EXPH5: variants seen among roughly 807,000 people sequenced by gnomAD.
The protein encoded by EXPH5 is exophilin 5.
A neutral mutation model predicts 41.1 loss-of-function variants in EXPH5; 42 were observed. The ratio of observed to expected loss-of-function variants is 1.02; its 90% CI spans 0.80 to 1.32. EXPH5 has a LOEUF of 1.32. Ranked by LOEUF, EXPH5 falls within the 40% of genes most tolerant of loss-of-function variation. The pLI is 0.00. For missense variants in EXPH5, 2,298 were observed against 2,314.5 expected, an observed-to-expected ratio of 0.99 and a Z score of 0.15; for synonymous variants, 798 against 833.5, an observed-to-expected ratio of 0.96 and a Z score of 0.73.
intron 1 of EXPH5, among the ~76,000 whole-genome samples, chr11:108,562,109 T>C (rs4384355): frequency 0.059 from 9,017 of 152,232 alleles, 875 homozygotes; most frequent in African/African-American, 0.2. Flanking sequence ...AACTGCTCTA[T>C]GTTCCTTGTC....
chr11:108,568,585 C>T (rs1400517854), intron 1 of EXPH5, among the ~76,000 whole-genome samples: 3 of 152,164 alleles, frequency 2.0e-5, no homozygotes, highest in Non-Finnish European at 4.4e-5. Context: ...AACAAGAGAT[C>T]TGCCTTTAAA....
chr11:108,558,781 T>A (rs2094000164), intron 1 of EXPH5, among the ~76,000 whole-genome samples: 1 of 152,204 alleles, frequency 6.6e-6, no homozygotes, highest in South Asian at 2.1e-4. Context: ...TAAACATATA[T>A]TGTTTCTGGA....
upstream of EXPH5, among the ~76,000 whole-genome samples, chr11:108,597,708 G>A (rs887620309): frequency 6.6e-6 from 1 of 152,086 alleles, no homozygotes; most frequent in African/African-American, 2.4e-5. Context: ...GTGTAACATT[G>A]TTCTGGTAGT....
chr11:108,591,552 T>C (rs963115088), intron 1 of EXPH5, among the ~76,000 whole-genome samples: 2 of 152,188 alleles, frequency 1.3e-5, no homozygotes, highest in African/African-American at 2.4e-5. Context: ...ATTTTTCAAA[T>C]TGTTTGGGCA....
intron 1 of EXPH5, among the ~76,000 whole-genome samples, chr11:108,583,371 CA>C (rs1483749862): frequency 5.3e-4 from 70 of 132,494 alleles, no homozygotes; most frequent in African/African-American, 9.2e-4. Flanking sequence ...GATTCTGTCT[CA>C]AAAAAAAAAA....
intron 3 of EXPH5, among the ~76,000 whole-genome samples, chr11:108,528,843 C>G (rs187930417): frequency 6.6e-6 from 1 of 151,806 alleles, no homozygotes; most frequent in Non-Finnish European, 1.5e-5. Context: ...GCTGGGATTA[C>G]AGGCGCCTGC....
At chr11:108,539,729 C>A (rs2093901875) in intron 2 of EXPH5, among the ~76,000 whole-genome samples, 1 of 151,978 alleles carries the variant, frequency 6.6e-6, no homozygotes, top group Admixed American at 6.6e-5. Flanking sequence ...CATCCTAAAC[C>A]CGAAAAACTT....
chr11:108,589,370 C>G (rs56214041), intron 1 of EXPH5, among the ~76,000 whole-genome samples: 6,060 of 152,234 alleles, frequency 0.04, 125 homozygotes, highest in Middle Eastern at 0.051. Flanking sequence ...TGGCTTTTAA[C>G]CTCTGCCGGA....
Position 108,512,927 on chromosome 11 carries a change from T to A in EXPH5, c.2580A>T (p.Gln860His). The change falls in exon 6 of 6, where the codon CAA (glutamine) becomes CAT (histidine). Residue 860 changes from glutamine to histidine, a missense_variant. Gln to His is a conservative substitution (Grantham distance 24). Transcript: ENST00000265843. Reference protein sequence around the residue: ...SSALTDTQNAQYSKCKLTPGH... With the variant: ...SSALTDTQNAHYSKCKLTPGH... ...CAGGAGTTAACTTGCATTTTGAGTA[T>A]TGTGCATTTTGAGTATCAGTCAGTG... is the stretch of plus-strand genomic sequence containing the variant. 1.9e-6 allele frequency: 3 copies of A among 1,613,250 alleles called. No homozygotes were observed. Among genetic ancestry groups the A allele is most frequent in the Non-Finnish European group, 1.7e-6 (2 of 1,179,636 alleles).
intron 1 of EXPH5, among the ~76,000 whole-genome samples, chr11:108,545,010 CATT>C (rs2093931120): frequency 1.3e-5 from 2 of 150,762 alleles, no homozygotes; most frequent in Non-Finnish European, 3.0e-5. Context: ...GTCACTTTTC[CATT>C]ATTTTTTTTT....
In EXPH5 at chr11:108,512,174, T is replaced by C; in HGVS notation, c.3333A>G (p.Arg1111=). The change falls in exon 6 of 6, where the codon AGA becomes AGG. Residue 1111 remains arginine, a synonymous_variant. Coordinates refer to ENST00000265843, the MANE Select transcript of EXPH5 (RefSeq NM_015065.3). ...NVKSSGSTSV[R]KGPLPFLINR... is the part of the protein sequence containing the mutation. The stretch of plus-strand genomic sequence containing the variant: ...TGATGAGGAATGGAAGTGGTCCTTT[T>C]CTAACGGAAGTAGATCCACTGCTTT... 1 of 1,612,096 alleles carries C rather than the reference T, an allele frequency of 6.2e-7. No individual in the cohort carries two copies. Among genetic ancestry groups the C allele is most frequent in the Non-Finnish European group, 8.5e-7 (1 of 1,179,142 alleles).
chr11:108,578,407 C>T (rs2094086731), intron 1 of EXPH5, among the ~76,000 whole-genome samples: 1 of 152,120 alleles, frequency 6.6e-6, no homozygotes. Flanking sequence ...TGTTTTCATG[C>T]CAGTACCATG....
At position 108,513,293 on chromosome 11, in the gene EXPH5, A is replaced by G. The variant is rs1261414920; in HGVS notation, c.2214T>C (p.Ser738=). ...QPVSQTGISN[S]LPDFQNPLSQ... ...ATAAGGGATTTTGAAAATCAGGTAA[A>G]GAGTTTGAGATCCCTGTCTGTGAAA... Residue 738 remains serine, a synonymous_variant, in exon 6 of 6, where the codon TCT becomes TCC. Coordinates refer to ENST00000265843, the MANE Select transcript of EXPH5 (RefSeq NM_015065.3). 1 of 1,612,538 alleles carries G rather than the reference A, an allele frequency of 6.2e-7. No homozygotes were observed. Among genetic ancestry groups the G allele is most frequent in the Non-Finnish European group, 8.5e-7 (1 of 1,179,518 alleles).
intron 1 of EXPH5, among the ~76,000 whole-genome samples, chr11:108,545,706 C>T (rs922986492): frequency 6.6e-6 from 1 of 151,940 alleles, no homozygotes; most frequent in Non-Finnish European, 1.5e-5. Context: ...AGTGAGAGAC[C>T]AGCCTGGCCA....
chr11:108,541,110 G>A (rs764873124), intron 2 of EXPH5, among the ~76,000 whole-genome samples: 35 of 151,972 alleles, frequency 2.3e-4, no homozygotes, highest in Non-Finnish European at 4.4e-4. Context: ...TCGCCATGTT[G>A]CCCAGGCTCG....
chr11:108,555,571 A>G (rs2093986036), intron 1 of EXPH5, among the ~76,000 whole-genome samples: 1 of 152,126 alleles, frequency 6.6e-6, no homozygotes, highest in Admixed American at 6.5e-5. Context: ...GAGCCCTGAC[A>G]TGGTTTGGTT....
the EXPH5 span, among the ~76,000 whole-genome samples, chr11:108,599,859 A>T: frequency 4.6e-5 from 7 of 152,316 alleles, no homozygotes; most frequent in African/African-American, 1.7e-4. Context: ...AGGCTTTAAT[A>T]ACTACTGTCG....
chr11:108,531,110 A>G (rs758297992), intron 3 of EXPH5, among the ~76,000 whole-genome samples: 1 of 152,206 alleles, frequency 6.6e-6, no homozygotes, highest in Non-Finnish European at 1.5e-5. Flanking sequence ...TTGATGCTGT[A>G]TCTGAGAGAT....
intron 1 of EXPH5, among the ~76,000 whole-genome samples, chr11:108,547,689 A>G (rs79788261): frequency 0.08 from 12,238 of 152,102 alleles, 602 homozygotes; most frequent in Middle Eastern, 0.12. Flanking sequence ...ATTATTTTTA[A>G]GAATCTTTCT....
Sources: allele counts gnomAD v4.1 joint callset (sites outside exome capture counted in the v4.1 genomes callset), GRCh38; gene constraint gnomAD v4.1.1; transcripts MANE v1.5; gene names NCBI Gene and HGNC (gene_info 2026-07-23, HGNC 2026-07-21).